The following CHKB variants were observed in gnomAD, a reference collection of about 807,000 sequenced individuals.
CHKB encodes choline/ethanolamine kinase.
Under a neutral mutation model 57.3 loss-of-function variants are expected in CHKB, and 45 were observed. That is an observed-to-expected ratio of 0.79 (90% CI 0.62 to 1.01). The LOEUF (loss-of-function observed/expected upper bound fraction) is 1.01, where lower values mean the gene tolerates loss of function less well. Ranked by LOEUF, CHKB falls within the 50% of genes least tolerant of loss-of-function variation. The probability of loss-of-function intolerance (pLI) is 0.00; values close to 1 mark genes in which losing one functional copy is unlikely to be tolerated. For synonymous variants in CHKB, 224 were observed against 201.8 expected, an observed-to-expected ratio of 1.11 and a Z score of -0.93; for missense variants, 517 against 502.8, an observed-to-expected ratio of 1.03 and a Z score of -0.27.
rs189564179 is a variant in CHKB, at chr22:50,581,850, G to A, written c.346C>T (p.Leu116=). The A allele has an allele frequency of 1.9e-6, 3 of 1,613,832 alleles. No homozygotes were observed. Among genetic ancestry groups the A allele is most frequent in the African/African-American group, 1.3e-5 (1 of 75,026 alleles). The change falls in exon 3 of 11, where the codon CTG becomes TTG. Residue 116 remains leucine (L), a synonymous_variant. Transcript: ENST00000406938. The part of the protein sequence containing the change: ...YGAILQGVDS[L]VLESVMFAIL... Reference sequence around the variant, plus strand: ...GCGAACATCACGCTTTCTAGCACCAGGGAGTCCACGCCCTGAAAAAGGATG... The same window carrying A: ...GCGAACATCACGCTTTCTAGCACCAAGGAGTCCACGCCCTGAAAAAGGATG...
chr22:50,582,740 A>C lies in CHKB; in HGVS notation c.42T>G (p.Val14=). 6.3e-7 allele frequency: 1 copy of C among 1,599,866 alleles called. No individual in the cohort carries two copies. Among genetic ancestry groups the C allele is most frequent in the Middle Eastern group, 1.7e-4 (1 of 5,966 alleles). ...AGCCGTCTTTGGCCAGGCAGCCGCC[A>C]ACAGCCCCGCTTCCGGCCACAGCTG... ...EATAVAGSGA[V]GGCLAKDGLQ... Residue 14 remains valine, a synonymous_variant, in exon 1 of 11, where the codon GTT becomes GTG. Transcript: ENST00000406938.
intron 2 of CHKB, 176 bp from the exon 3 acceptor site, chr22:50,582,038 C>G (rs923205119): frequency 1.4e-5 from 11 of 776,074 alleles, no homozygotes; most frequent in African/African-American, 1.2e-4. Flanking sequence ...CTATGTTGTC[C>G]AGGCTGGTCT....
chr22:50,582,388 G>GCGGC, intron 1 of CHKB, 31 bp from the exon 2 acceptor site: 1 of 1,525,314 alleles, frequency 6.6e-7, no homozygotes, highest in South Asian at 1.2e-5. Context: ...CGCTCAGCCC[G>GCGGC]CGGCCGGCCC....
intron 1 of CHKB, 81 bp from the exon 2 acceptor site, chr22:50,582,438 C>T (rs773607675): frequency 6.9e-7 from 1 of 1,453,250 alleles, no homozygotes. Flanking sequence ...CCAGGCCGGC[C>T]CCGCCCCGCC....
chr22:50,579,130 A>C lies in CHKB; in HGVS notation c.*51T>G. ...CTTCTGCTCGTTGTTCCTCCCTCCA[A>C]GGTCCTGCCCTGGAGGCTCCAGGAG... is the stretch of plus-strand genomic sequence containing the variant. On this transcript the variant is annotated 3_prime_UTR_variant, in exon 11 of 11. Transcript: ENST00000406938. 6.4e-7 allele frequency: 1 copy of C among 1,555,918 alleles called. No individual in the cohort carries two copies. Among genetic ancestry groups the C allele is most frequent in the South Asian group, 1.1e-5 (1 of 87,886 alleles).
At position 50,582,684 on chromosome 22, in the gene CHKB, G is replaced by A; in HGVS notation, c.98C>T (p.Pro33Leu). The change falls in exon 1 of 11, where the codon CCA becomes CTA. Residue 33 changes from proline to leucine, a missense_variant. Pro to Leu is a moderately conservative substitution (Grantham distance 98). Transcript: ENST00000406938. Reference sequence around the variant, plus strand: ...CAGCGACGAGGCGCGCCGCCGTTTTGGGGTAGTGTCCGGGCACTTAGACTG... The same window carrying A: ...CAGCGACGAGGCGCGCCGCCGTTTTAGGGTAGTGTCCGGGCACTTAGACTG... The part of the protein sequence containing the change: ...LQQSKCPDTT[P>L]KRRRASSLSR... 1 of 1,610,736 alleles carries A rather than the reference G, an allele frequency of 6.2e-7. No individual in the cohort carries two copies. The highest frequency in any genetic ancestry group is 8.5e-7 in the Non-Finnish European group (1 of 1,179,260).
Position 50,581,582 on chromosome 22 carries a change from ATGGGGCTGGGGCAGGAGTGGGAAGGGC to A in CHKB, c.448-56_448-30del. ...CACCCAGGAAGCTATCAGGGTGGTG[ATGGGGCTGGGGCAGGAGTGGGAAGGGC>A]TGGGGCAATGAGGGGAAGTCAGGGT... On this transcript the variant is annotated intron_variant, in intron 3 of 10. Transcript: ENST00000406938. 3 of 1,613,682 alleles carry A rather than the reference ATGGGGCTGGGGCAGGAGTGGGAAGGGC, an allele frequency of 1.9e-6. No homozygotes were observed. The South Asian group carries it at 3.3e-5, about 18-fold the overall frequency.
At chr22:50,580,759 C>A (rs1266072618) in intron 4 of CHKB, 99 bp from the exon 5 acceptor site, 5 of 1,002,808 alleles carry the variant, frequency 5.0e-6, no homozygotes, top group Non-Finnish European at 3.1e-6. Flanking sequence ...GCTCCTATCA[C>A]TGTGTGACTT....
In CHKB at chr22:50,580,031, G is replaced by A. The variant is rs140020889; in HGVS notation, c.870C>T (p.His290=). ...HFCEWVYDYT[H]EEWPFYKARP... is the part of the protein sequence containing the mutation. ...TTGCTTTGTAGAAAGGCCATTCCTC[G>A]TGAGTATAATCATAAACCCACTCAC... The change falls in exon 8 of 11, where the codon CAC becomes CAT. Residue 290 remains histidine (H), a synonymous_variant. Transcript: ENST00000406938. 94 of 1,613,866 alleles carry A rather than the reference G, an allele frequency of 5.8e-5. 4 individuals are homozygous for A. Among genetic ancestry groups the A allele is most frequent in the South Asian group, 5.3e-4 (48 of 91,086 alleles).
At position 50,579,371 on chromosome 22, in the gene CHKB, G is replaced by A. The variant is rs539626773; in HGVS notation, c.1113+55C>T. ...TCCCCAGGCCTCCTGGAAGAGTGTG[G>A]CTGCTGCTGCTCCCCAGCCCCCCAG... On this transcript the variant is annotated intron_variant, in intron 10 of 10. Transcript: ENST00000406938. 3.2e-6 allele frequency: 5 copies of A among 1,586,082 alleles called. No individual in the cohort carries two copies. In the Admixed American group the frequency reaches 8.7e-5, roughly 28 times the overall value.
In CHKB at chr22:50,582,809, A is replaced by G; in HGVS notation, c.-28T>C. 1 of 1,537,708 alleles carries G rather than the reference A, an allele frequency of 6.5e-7. No homozygotes were observed. The highest frequency in any genetic ancestry group is 8.7e-7 in the Non-Finnish European group (1 of 1,143,346). ...CGCGGGCTCGACCGGGCCCCAGGCC[A>G]GGCTGCGCTCCGCTCCCTTCGGACG... On this transcript the variant is annotated 5_prime_UTR_variant, in exon 1 of 11. Coordinates refer to ENST00000406938, the MANE Select transcript of CHKB (RefSeq NM_005198.5).
chr22:50,582,530 C>T (rs1771234422), intron 1 of CHKB, 28 bp downstream of exon 1: 2 of 1,590,848 alleles, frequency 1.3e-6, no homozygotes, highest in Admixed American at 3.5e-5. Context: ...GATCCGCGCA[C>T]CGGAGAGGCT....
chr22:50,582,390 G>T (rs1371311827), intron 1 of CHKB, 33 bp from the exon 2 acceptor site: 1 of 1,524,558 alleles, frequency 6.6e-7, no homozygotes, highest in Non-Finnish European at 8.8e-7. Context: ...CTCAGCCCGC[G>T]GCCGGCCCTA....
chr22:50,582,400 AC>A, intron 1 of CHKB, 43 bp from the exon 2 acceptor site: 2 of 1,503,806 alleles, frequency 1.3e-6, no homozygotes, highest in Non-Finnish European at 8.9e-7. Context: ...GGCCGGCCCT[AC>A]CTGCCGCGGC....
At position 50,582,794 on chromosome 22, in the gene CHKB, A is replaced by G. The variant is rs2070729352; in HGVS notation, c.-13T>C. The G allele has an allele frequency of 4.5e-6, 7 of 1,551,816 alleles. No individual in the cohort carries two copies. Among genetic ancestry groups the G allele is most frequent in the Non-Finnish European group, 5.2e-6 (6 of 1,150,574 alleles). On this transcript the variant is annotated 5_prime_UTR_variant, in exon 1 of 11. Transcript: ENST00000406938. ...CCTCGGCCGCCATGGCGCGGGCTCGACCGGGCCCCAGGCCAGGCTGCGCTC... is the reference window on the plus strand; with the variant it reads ...CCTCGGCCGCCATGGCGCGGGCTCGGCCGGGCCCCAGGCCAGGCTGCGCTC...
intron 7 of CHKB, 38 bp downstream of exon 7, chr22:50,580,152 G>A: frequency 1.2e-6 from 2 of 1,613,014 alleles, no homozygotes; most frequent in South Asian, 1.1e-5. Flanking sequence ...AGAGCCCTAT[G>A]GGAACAGATC....
At position 50,581,282 on chromosome 22, in the gene CHKB, G is replaced by C. The variant is rs41282355; in HGVS notation, c.581+138C>G. ...AGGCACTGCATGTGGCCTCTGGCAA[G>C]CATTTAAAAGCCTGTTCTGTGACAG... On this transcript the variant is annotated intron_variant, in intron 4 of 10. Coordinates refer to ENST00000406938, the MANE Select transcript of CHKB (RefSeq NM_005198.5). 19,061 of 1,169,810 alleles carry C rather than the reference G, an allele frequency of 0.016. 225 individuals are homozygous for C. The highest frequency in any genetic ancestry group is 0.028 in the South Asian group (2,091 of 74,052). 72.5% of individuals were successfully genotyped at this position (1,169,810 alleles called of 1,614,324 possible). A position where few individuals can be genotyped will look rare whatever the true frequency, so the allele number is the denominator to read the frequency against.
In CHKB at chr22:50,579,227, T is replaced by C. The variant is rs2070615279; in HGVS notation, c.1142A>G (p.Tyr381Cys). 1.2e-6 allele frequency: 2 copies of C among 1,613,670 alleles called. No homozygotes were observed. The highest frequency in any genetic ancestry group is 2.2e-5 in the East Asian group (1 of 44,872). ...GGTCAGCTGCCCCTTCTGCTGGAAG[T>C]AGAACTGGAACCGAGACTGGGCATA... The part of the protein sequence containing the change: ...LDYAQSRFQF[Y>C]FQQKGQLTSV... The change falls in exon 11 of 11, where the codon TAC becomes TGC. Residue 381 changes from tyrosine (Y) to cysteine (C), a missense_variant. Coordinates refer to ENST00000406938, the MANE Select transcript of CHKB (RefSeq NM_005198.5).
Position 50,582,554 on chromosome 22 carries a change from C to T in CHKB, c.224+4G>A, listed in dbSNP as rs750271570. On this transcript the variant is annotated splice_donor_region_variant and intron_variant, in intron 1 of 10. Transcript: ENST00000406938. ...ACCGGAGAGGCTGACCCCTGACCTCCCACCTCACGGGGTAAACCCTCAGCT... is the reference window on the plus strand; with the variant it reads ...ACCGGAGAGGCTGACCCCTGACCTCTCACCTCACGGGGTAAACCCTCAGCT... 2 of 1,606,100 alleles carry T rather than the reference C, an allele frequency of 1.2e-6. No homozygotes were observed. Among genetic ancestry groups the T allele is most frequent in the Non-Finnish European group, 1.7e-6 (2 of 1,177,010 alleles).
Sources: gnomAD v4.1 joint callset for allele counts on GRCh38, gnomAD v4.1.1 for gene constraint, MANE v1.5 for transcripts, NCBI Gene and HGNC (gene_info 2026-07-23, HGNC 2026-07-21) for gene names.